PTPRM: variants seen among roughly 807,000 people sequenced by gnomAD.
PTPRM encodes receptor-type tyrosine-protein phosphatase mu.
In PTPRM, 47 loss-of-function variants were observed where a neutral mutation model predicts 186.7. The observed-to-expected ratio is 0.25, with a 90% CI of 0.20 to 0.32. PTPRM has a LOEUF of 0.32. Ranked by LOEUF, PTPRM falls within the 10% of genes least tolerant of loss-of-function variation. The pLI is 1.00. For synonymous variants in PTPRM, 668 were observed against 674.9 expected (o/e 0.99, Z 0.16); for missense variants, 1,494 against 1,865.0 (o/e 0.80, Z 3.66).
intron 7 of PTPRM, among the ~76,000 whole-genome samples, chr18:8,057,425 CTTTTTT>C (rs763829289): frequency 4.6e-4 from 47 of 102,528 alleles, no homozygotes; most frequent in Middle Eastern, 0.011. Flanking sequence ...TGTGATACTT[CTTTTTT>C]TTTTTTTTTT....
intron 1 of PTPRM, among the ~76,000 whole-genome samples, chr18:7,676,692 C>T (rs866528299): frequency 6.7e-6 from 1 of 149,664 alleles, no homozygotes; most frequent in Non-Finnish European, 1.5e-5. Context: ...TGTGTGTGCG[C>T]GTGCACGCGC....
At chr18:8,164,765 A>G (rs1434294471) in intron 14 of PTPRM, among the ~76,000 whole-genome samples, 2 of 152,252 alleles carry the variant, frequency 1.3e-5, no homozygotes, top group Non-Finnish European at 2.9e-5. Context: ...TTAGCGAGAC[A>G]GACAGTGGTG....
chr18:8,353,942 T>TG (rs2095549444), intron 23 of PTPRM, among the ~76,000 whole-genome samples: 1 of 152,208 alleles, frequency 6.6e-6, no homozygotes, highest in Non-Finnish European at 1.5e-5. Flanking sequence ...CTGGGCGCAG[T>TG]GGCTCACACC....
chr18:7,996,173 C>A (rs1386995020), intron 7 of PTPRM, among the ~76,000 whole-genome samples: 1 of 149,340 alleles, frequency 6.7e-6, no homozygotes, highest in Admixed American at 6.6e-5. Flanking sequence ...TTTTTCTTTC[C>A]TTTCTTTCTT....
intron 19 of PTPRM, among the ~76,000 whole-genome samples, chr18:8,255,992 C>T (rs2094571058): frequency 1.3e-5 from 2 of 152,176 alleles, no homozygotes; most frequent in Admixed American, 6.5e-5. Flanking sequence ...ACTGCAGGTA[C>T]TCATATGTCC....
chr18:7,625,322 G>A (rs763020203), intron 1 of PTPRM, among the ~76,000 whole-genome samples: 2 of 152,022 alleles, frequency 1.3e-5, no homozygotes, highest in Admixed American at 6.6e-5. Flanking sequence ...TAATTTTCCC[G>A]ACTCTTATCA....
intron 28 of PTPRM, among the ~76,000 whole-genome samples, chr18:8,379,882 A>C (rs1233864396): frequency 6.6e-6 from 1 of 152,262 alleles, no homozygotes. Flanking sequence ...AAAAAAGTAC[A>C]TGTATTCTTT....
intron 29 of PTPRM, 138 bp downstream of exon 29, chr18:8,380,565 C>T: frequency 2.0e-6 from 2 of 998,888 alleles, no homozygotes; most frequent in Non-Finnish European, 3.0e-6. Flanking sequence ...ACTGGGGATG[C>T]TGAACACAAC....
chr18:7,867,034 G>A (rs776790124), intron 2 of PTPRM, among the ~76,000 whole-genome samples: 1 of 151,746 alleles, frequency 6.6e-6, no homozygotes, highest in African/African-American at 2.4e-5. Flanking sequence ...TTTGTTTTTT[G>A]CTTTCCTTTT....
At position 8,010,628 on chromosome 18, in the gene PTPRM, G is replaced by T. The variant is rs573662436; in HGVS notation, c.1132+55214G>T. Among the ~76,000 whole-genome samples the T allele has an allele frequency of 2.0e-5, 3 of 152,314 alleles. No homozygotes were observed. In the East Asian group the frequency reaches 5.8e-4, roughly 29 times the overall value. ...GCAGCACAGGAATGGGGGCAGGTGG[G>T]TTAAGGAGGATGGAAGAGCCCATGG... On this transcript the variant is annotated intron_variant, in intron 7 of 32. Transcript: ENST00000580170.
At chr18:8,195,624 G>A (rs2093767693) in intron 14 of PTPRM, among the ~76,000 whole-genome samples, 1 of 152,146 alleles carries the variant, frequency 6.6e-6, no homozygotes, top group Non-Finnish European at 1.5e-5. Flanking sequence ...TATTTTAAGT[G>A]AAACACCTTA....
At chr18:7,859,552 C>T (rs185385572) in intron 2 of PTPRM, among the ~76,000 whole-genome samples, 17 of 152,356 alleles carry the variant, frequency 1.1e-4, no homozygotes, top group East Asian at 1.9e-4. Flanking sequence ...TATTCTGACC[C>T]CCAGGCACCT....
chr18:7,687,088 A>C (rs1311821213), intron 1 of PTPRM, among the ~76,000 whole-genome samples: 2 of 152,302 alleles, frequency 1.3e-5, no homozygotes, highest in East Asian at 3.9e-4. Flanking sequence ...TCTTGTAATA[A>C]CATTTTAAAG....
intron 2 of PTPRM, among the ~76,000 whole-genome samples, chr18:7,817,383 C>T (rs1598867002): frequency 6.6e-6 from 1 of 152,120 alleles, no homozygotes; most frequent in South Asian, 2.1e-4. Context: ...AGGAAAGATA[C>T]AGTGGTACCT....
chr18:7,644,385 T>C (rs138042049), intron 1 of PTPRM, among the ~76,000 whole-genome samples: 762 of 152,292 alleles, frequency 5.0e-3, no homozygotes, highest in Non-Finnish European at 8.5e-3. Context: ...CTGTAGAACA[T>C]GTAAACTGAT....
intron 32 of PTPRM, chr18:8,403,605 A>G (rs1337419510): frequency 6.6e-6 from 1 of 152,204 alleles, no homozygotes; most frequent in Non-Finnish European, 1.5e-5. Flanking sequence ...AAAGTGTGTC[A>G]TTCACTGGTT....
chr18:8,391,449 T>C (rs185500041), intron 31 of PTPRM, among the ~76,000 whole-genome samples: 374 of 152,332 alleles, frequency 2.5e-3, no homozygotes, highest in Non-Finnish European at 4.5e-3. Context: ...CCGTGGGTGA[T>C]TCTCACACAG....
intron 7 of PTPRM, among the ~76,000 whole-genome samples, chr18:8,063,028 T>C (rs539085348): frequency 3.3e-4 from 50 of 151,266 alleles, no homozygotes; most frequent in African/African-American, 1.1e-3. Flanking sequence ...TAATCAAGCC[T>C]GGGCAATGGC....
intron 2 of PTPRM, among the ~76,000 whole-genome samples, chr18:7,822,383 A>G (rs1598892219): frequency 6.6e-6 from 1 of 152,246 alleles, no homozygotes; most frequent in Non-Finnish European, 1.5e-5. Context: ...AAGGGGCAAC[A>G]TTAGTGATAG....
Sources: allele counts gnomAD v4.1 joint callset (sites outside exome capture counted in the v4.1 genomes callset), GRCh38; gene constraint gnomAD v4.1.1; transcripts MANE v1.5; gene names NCBI Gene and HGNC (gene_info 2026-07-23, HGNC 2026-07-21).